SYT1: variants seen among roughly 807,000 people sequenced by gnomAD.
SYT1 encodes the protein synaptotagmin 1, also known as synaptotagmin-1.
In SYT1, 8 loss-of-function variants were observed where a neutral mutation model predicts 44.8. The ratio of observed to expected loss-of-function variants is 0.18; its 90% CI spans 0.10 to 0.32. The LOEUF is 0.32. SYT1 is among the 10% of genes least tolerant of loss of function. SYT1 has a pLI of 1.00. For missense variants in SYT1, 286 were observed against 509.3 expected (o/e 0.56, Z 4.22); for synonymous variants, 154 against 188.8 (o/e 0.82, Z 1.51).
intron 3 of SYT1, among the ~76,000 whole-genome samples, chr12:79,090,025 T>C (rs993115699): frequency 6.6e-6 from 1 of 152,078 alleles, no homozygotes; most frequent in East Asian, 1.9e-4. Flanking sequence ...TTGTGTGGGC[T>C]AACACCCTAG....
At chr12:79,068,441 G>A (rs1219984368) in intron 3 of SYT1, among the ~76,000 whole-genome samples, 4 of 152,008 alleles carry the variant, frequency 2.6e-5, no homozygotes, top group African/African-American at 4.8e-5. Context: ...GCTGATGAAC[G>A]TTGAAAAAAT....
chr12:79,002,341 C>A (rs1870794949), intron 2 of SYT1, among the ~76,000 whole-genome samples: 1 of 152,020 alleles, frequency 6.6e-6, no homozygotes. Context: ...TTATAATTTT[C>A]ATTTATGAAC....
At chr12:79,299,669 A>T (rs2138878809) in intron 8 of SYT1, 118 bp downstream of exon 8, 1 of 1,293,026 alleles carries the variant, frequency 7.7e-7, no homozygotes, top group Admixed American at 2.6e-5. Flanking sequence ...AGTTGTTGAC[A>T]GCTGATAAAA....
intron 3 of SYT1, among the ~76,000 whole-genome samples, chr12:79,196,382 G>A (rs1473105585): frequency 6.6e-6 from 1 of 152,020 alleles, no homozygotes; most frequent in Non-Finnish European, 1.5e-5. Flanking sequence ...TGGCCAGGAT[G>A]GTCTCGATTT....
At chr12:79,291,966 G>T in intron 5 of SYT1, 42 bp from the exon 6 acceptor site, 1 of 1,611,026 alleles carries the variant, frequency 6.2e-7, no homozygotes, top group South Asian at 1.1e-5. Context: ...GAGTTTTGAT[G>T]AAAACTCTGA....
chr12:79,002,289 A>T (rs1199765703), intron 2 of SYT1, among the ~76,000 whole-genome samples: 1 of 152,128 alleles, frequency 6.6e-6, no homozygotes, highest in Non-Finnish European at 1.5e-5. Flanking sequence ...TCGAAAGACT[A>T]TGAAATAAAA....
At chr12:79,315,783 C>T (rs552508235) in intron 8 of SYT1, among the ~76,000 whole-genome samples, 12 of 152,290 alleles carry the variant, frequency 7.9e-5, no homozygotes, top group African/African-American at 2.9e-4. Context: ...AGGCCTAGGA[C>T]ATATGCTAGC....
intron 4 of SYT1, among the ~76,000 whole-genome samples, chr12:79,227,458 A>G (rs527356701): frequency 6.2e-4 from 95 of 152,314 alleles, no homozygotes; most frequent in African/African-American, 2.3e-3. Flanking sequence ...TTCTTGAAGT[A>G]GAGTGCACCT....
chr12:79,436,718 G>A (rs894722763), intron 9 of SYT1, among the ~76,000 whole-genome samples: 5 of 152,284 alleles, frequency 3.3e-5, no homozygotes, highest in African/African-American at 9.6e-5. Flanking sequence ...ACATTCTAGT[G>A]TATTGAAGTA....
At chr12:79,310,454 T>G (rs1271216280) in intron 8 of SYT1, among the ~76,000 whole-genome samples, 7 of 152,112 alleles carry the variant, frequency 4.6e-5, no homozygotes, top group Admixed American at 6.6e-5. Flanking sequence ...GTAGTGTGAT[T>G]CCTCCAGCTT....
At chr12:79,020,467 A>G (rs1872116791) in intron 2 of SYT1, among the ~76,000 whole-genome samples, 1 of 152,008 alleles carries the variant, frequency 6.6e-6, no homozygotes, top group Non-Finnish European at 1.5e-5. Context: ...TACTATTACC[A>G]TAAAGTCAAC....
intron 1 of SYT1, among the ~76,000 whole-genome samples, chr12:78,900,946 T>C (rs988111710): frequency 3.9e-5 from 6 of 152,148 alleles, no homozygotes; most frequent in Admixed American, 1.3e-4. Flanking sequence ...TCATTTGACA[T>C]AGTATTTTCC....
chr12:79,214,779 T>G (rs1332140678), intron 3 of SYT1, among the ~76,000 whole-genome samples: 2 of 152,206 alleles, frequency 1.3e-5, no homozygotes, highest in African/African-American at 4.8e-5. Context: ...CTATTTTCAT[T>G]TAACTCAATC....
At chr12:79,202,756 C>T (rs758605820) in intron 3 of SYT1, among the ~76,000 whole-genome samples, 1 of 152,186 alleles carries the variant, frequency 6.6e-6, no homozygotes, top group African/African-American at 2.4e-5. Context: ...AAAGGTAGAA[C>T]ATTCAATTGG....
intron 8 of SYT1, among the ~76,000 whole-genome samples, chr12:79,317,964 G>A (rs1881177741): frequency 6.6e-6 from 1 of 152,066 alleles, no homozygotes; most frequent in Admixed American, 6.5e-5. Flanking sequence ...ATGAGTTTTG[G>A]AATGGCATTA....
At chr12:78,997,797 G>A (rs1018908739) in intron 2 of SYT1, among the ~76,000 whole-genome samples, 2 of 152,080 alleles carry the variant, frequency 1.3e-5, no homozygotes, top group African/African-American at 4.8e-5. Context: ...GAACACTGCT[G>A]TTAAACGAGG....
intron 9 of SYT1, among the ~76,000 whole-genome samples, chr12:79,406,157 T>C (rs951308405): frequency 6.6e-6 from 1 of 152,162 alleles, no homozygotes; most frequent in Non-Finnish European, 1.5e-5. Flanking sequence ...GATCCTCTTA[T>C]GATGGCTTAG....
intron 1 of SYT1, among the ~76,000 whole-genome samples, chr12:78,953,228 A>G (rs750217193): frequency 2.6e-5 from 4 of 151,980 alleles, no homozygotes; most frequent in Non-Finnish European, 5.9e-5. Flanking sequence ...ACATTAAAGG[A>G]TGAGAATAGG....
At chr12:79,238,151 A>C (rs7967411) in intron 4 of SYT1, among the ~76,000 whole-genome samples, 108,293 of 152,016 alleles carry the variant, frequency 0.71, 39,135 homozygotes, top group African/African-American at 0.79. Context: ...TATTGTATAT[A>C]CTACAACTTA....
Sources: allele counts gnomAD v4.1 joint callset (sites outside exome capture counted in the v4.1 genomes callset), GRCh38; gene constraint gnomAD v4.1.1; transcripts MANE v1.5; gene names NCBI Gene and HGNC (gene_info 2026-07-23, HGNC 2026-07-21).